Variants in BRIP1 observed in about 807,000 individuals in gnomAD.
BRIP1 encodes the protein BRCA1 interacting DNA helicase 1.
In BRIP1, 88 loss-of-function variants were observed where a neutral mutation model predicts 119.7. The ratio of observed to expected loss-of-function variants is 0.74; its 90% CI spans 0.62 to 0.88. BRIP1 has a LOEUF of 0.88. BRIP1 is among the 40% of genes least tolerant of loss of function. The probability of loss-of-function intolerance (pLI) is 0.00; values close to 1 mark genes in which losing one functional copy is unlikely to be tolerated. For synonymous variants in BRIP1, 443 were observed against 496.5 expected (o/e 0.89, Z 1.43); for missense variants, 1,259 against 1,455.4 (o/e 0.87, Z 2.20).
chr17:61,805,678 C>T lies in BRIP1; in HGVS notation c.918+2789G>A, dbSNP rs1000798151. Among the ~76,000 whole-genome samples, 1 of 152,132 alleles carries T rather than the reference C, an allele frequency of 6.6e-6. No individual in the cohort carries two copies. Among genetic ancestry groups the T allele is most frequent in the African/African-American group, 2.4e-5 (1 of 41,422 alleles). On this transcript the variant is annotated intron_variant, in intron 7 of 19. Transcript: ENST00000259008. The surrounding 1 kb of genome is among the most constrained non-coding windows in gnomAD (Gnocchi z 5.6). ...CACTGACTATATCATCTCTAAAATT[C>T]CTTCCAGCTCTAAAATTCTGTGATT...
rs1165935490 is a variant in BRIP1 at position 61,735,624 on chromosome 17, A to C, written c.2379+7389T>G. Among the ~76,000 whole-genome samples, 51 of 149,704 alleles carry C rather than the reference A, an allele frequency of 3.4e-4. No homozygotes were observed. The highest frequency in any genetic ancestry group is 7.0e-4 in the Non-Finnish European group (47 of 67,602). On this transcript the variant is annotated intron_variant, in intron 16 of 19. Transcript: ENST00000259008. This position sits in a 1 kb window ranked among gnomAD's most constrained non-coding sequence, Gnocchi z 4.4. ...GGCAACATAGCAAGATCCTGCCTCT[A>C]CAAAAAAAAAAAAACCACGTTTAAA...
At position 61,695,266 on chromosome 17, in the gene BRIP1, C is replaced by T. The variant is rs2061503969; in HGVS notation, c.2493-1754G>A. Among the ~76,000 whole-genome samples the T allele has an allele frequency of 6.6e-6, 1 of 152,048 alleles. No homozygotes were observed. ...AAAGACTATTCTTTCTTTGAGTTGT[C>T]TTGGCACTCTTGTCAAAAACCAGTT... On this transcript the variant is annotated intron_variant, in intron 17 of 19. Transcript: ENST00000259008. The surrounding 1 kb of genome is among the most constrained non-coding windows in gnomAD (Gnocchi z 4.3).
In BRIP1 at chr17:61,739,222, G is replaced by T. The variant is rs2076957063; in HGVS notation, c.2379+3791C>A. On this transcript the variant is annotated intron_variant, in intron 16 of 19. Coordinates refer to ENST00000259008, the MANE Select transcript of BRIP1 (RefSeq NM_032043.3). The surrounding 1 kb of genome is among the most constrained non-coding windows in gnomAD (Gnocchi z 6.0). ...AAAGGAGACAATACCAGTACCAACA[G>T]CAGTGCCATCAGTAGCACTCTACTT... The T allele has an allele frequency of 1.0e-5, 2 of 192,346 alleles. No homozygotes were observed. The highest frequency in any genetic ancestry group is 4.7e-5 in the African/African-American group (2 of 42,960). 11.9% of individuals were successfully genotyped at this position (192,346 alleles called of 1,614,324 possible). A position where few individuals can be genotyped will look rare whatever the true frequency, so the allele number is the denominator to read the frequency against.
At chr17:61,721,691 C>T (rs970487327) in intron 16 of BRIP1, among the ~76,000 whole-genome samples, 3 of 131,828 alleles carry the variant, frequency 2.3e-5, no homozygotes, top group Non-Finnish European at 4.8e-5. Context: ...ATAGACTTTG[C>T]CTTTTTTTTT....
intron 10 of BRIP1, among the ~76,000 whole-genome samples, chr17:61,790,241 A>G (rs1603339342): frequency 1.3e-5 from 2 of 152,262 alleles, no homozygotes; most frequent in East Asian, 3.9e-4. Context: ...TTCACCTAAC[A>G]TAATATTTAA....
chr17:61,801,222 A>C (rs1234014719), intron 8 of BRIP1, 31 bp downstream of exon 8: 1 of 1,570,354 alleles, frequency 6.4e-7, no homozygotes, highest in African/African-American at 1.4e-5. Context: ...ATGAGTAGGA[A>C]GAAGGTTCTC....
chr17:61,715,852 A>C (rs1339235015), intron 17 of BRIP1, 99 bp downstream of exon 17: 12 of 753,822 alleles, frequency 1.6e-5, no homozygotes. Context: ...AGTTAAATAA[A>C]ATTTTACCAA....
chr17:61,830,672 TAA>T (rs1332098957), intron 6 of BRIP1, among the ~76,000 whole-genome samples: 3 of 152,118 alleles, frequency 2.0e-5, no homozygotes, highest in Admixed American at 1.3e-4. Context: ...AATTTAAAAG[TAA>T]AAGTCTTCCC....
rs1480946367 is a variant in BRIP1, at chr17:61,780,670, G to A, written c.1794+170C>T. Reference sequence around the variant, plus strand: ...TTGAGCCTGGAAGGTCAAGGCTACAGTGAGCTGAGATTGCACCACTGCACT... The same window carrying A: ...TTGAGCCTGGAAGGTCAAGGCTACAATGAGCTGAGATTGCACCACTGCACT... On this transcript the variant is annotated intron_variant, in intron 12 of 19. Transcript: ENST00000259008. The surrounding 1 kb of genome is among the most constrained non-coding windows in gnomAD (Gnocchi z 5.4). 6.6e-6 allele frequency among the ~76,000 whole-genome samples: 1 copy of A among 152,196 alleles called. No homozygotes were observed. The highest frequency in any genetic ancestry group is 2.4e-5 in the African/African-American group (1 of 41,460).
intron 16 of BRIP1, among the ~76,000 whole-genome samples, chr17:61,737,962 T>C (rs1375294735): frequency 6.6e-6 from 1 of 152,206 alleles, no homozygotes; most frequent in Non-Finnish European, 1.5e-5. Context: ...GGTTAGCAGA[T>C]GTGATGTAAA....
chr17:61,801,492 T>G lies in BRIP1; in HGVS notation c.919-18A>C, dbSNP rs773910941. ...GATTTTCCCTAGAAACAAATATGCATAACTGAAATGTGAACCAATATTAGC... is the reference window on the plus strand; with the variant it reads ...GATTTTCCCTAGAAACAAATATGCAGAACTGAAATGTGAACCAATATTAGC... On this transcript the variant is annotated intron_variant, in intron 7 of 19. Coordinates refer to ENST00000259008, the MANE Select transcript of BRIP1 (RefSeq NM_032043.3). 3.9e-6 allele frequency: 6 copies of G among 1,547,602 alleles called. No individual in the cohort carries two copies. In the South Asian group the frequency reaches 6.7e-5, roughly 17 times the overall value.
rs2077897173 is a variant in BRIP1, at chr17:61,796,215, T to G, written c.1341-2486A>C. Among the ~76,000 whole-genome samples the G allele has an allele frequency of 6.6e-6, 1 of 152,126 alleles. No individual in the cohort carries two copies. Among genetic ancestry groups the G allele is most frequent in the Non-Finnish European group, 1.5e-5 (1 of 67,996 alleles). On this transcript the variant is annotated intron_variant, in intron 9 of 19. Coordinates refer to ENST00000259008, the MANE Select transcript of BRIP1 (RefSeq NM_032043.3). This position sits in a 1 kb window ranked among gnomAD's most constrained non-coding sequence, Gnocchi z 4.8. ...CCCATTCTGTGGGTTGCCTCTTCAC[T>G]TTGTTGATTGTTTCCTTTGCTGTGC...
rs2077126255 is a variant in BRIP1 at position 61,751,141 on chromosome 17, T to C, written c.2098-6550A>G. On this transcript the variant is annotated intron_variant, in intron 14 of 19. Coordinates refer to ENST00000259008, the MANE Select transcript of BRIP1 (RefSeq NM_032043.3). The surrounding 1 kb of genome is among the most constrained non-coding windows in gnomAD (Gnocchi z 6.7). ...GTATGACCTACGTGCAATGGAAAAT[T>C]ATTCAACTATAAAGGAATGAAATTC... Among the ~76,000 whole-genome samples, 1 of 152,242 alleles carries C rather than the reference T, an allele frequency of 6.6e-6. No individual in the cohort carries two copies. The highest frequency in any genetic ancestry group is 2.1e-4 in the South Asian group (1 of 4,836).
chr17:61,772,842 A>C (rs918251277), intron 14 of BRIP1, among the ~76,000 whole-genome samples: 3 of 151,266 alleles, frequency 2.0e-5, no homozygotes, highest in Non-Finnish European at 4.4e-5. Flanking sequence ...AAAAAAAAAA[A>C]ACCTAAATTT....
intron 11 of BRIP1, 83 bp from the exon 12 acceptor site, chr17:61,781,088 A>G (rs2077613906): frequency 7.7e-7 from 1 of 1,299,162 alleles, no homozygotes; most frequent in Non-Finnish European, 1.1e-6. Flanking sequence ...AACTGATTAC[A>G]TTAAAACTCA....
rs1428955151 is a variant in BRIP1 at position 61,760,237 on chromosome 17, A to AT, written c.2098-15647_2098-15646insA. On this transcript the variant is annotated intron_variant, in intron 14 of 19. Coordinates refer to ENST00000259008, the MANE Select transcript of BRIP1 (RefSeq NM_032043.3). The surrounding 1 kb of genome is among the most constrained non-coding windows in gnomAD (Gnocchi z 4.6). ...GAAATTAAAAGGGAAATTTAAAAAA[A>AT]ATATATTGAGACAAACAAAAATGGA... Among the ~76,000 whole-genome samples, 1 of 151,992 alleles carries AT rather than the reference A, an allele frequency of 6.6e-6. No individual in the cohort carries two copies. Among genetic ancestry groups the AT allele is most frequent in the Non-Finnish European group, 1.5e-5 (1 of 67,918 alleles).
rs1193330614 is a variant in BRIP1 at position 61,844,089 on chromosome 17, A to AT, written c.627+3011dup. On this transcript the variant is annotated intron_variant, in intron 6 of 19. Coordinates refer to ENST00000259008, the MANE Select transcript of BRIP1 (RefSeq NM_032043.3). The surrounding 1 kb of genome is among the most constrained non-coding windows in gnomAD (Gnocchi z 4.7). ...CAAGTACACACCACCACACACAGCT[A>AT]TTTTTTTTCTTCTATTCTTTATAAA... is the stretch of plus-strand genomic sequence containing the variant. 1.3e-5 allele frequency among the ~76,000 whole-genome samples: 2 copies of AT among 151,154 alleles called. No individual in the cohort carries two copies. Among genetic ancestry groups the AT allele is most frequent in the Non-Finnish European group, 3.0e-5 (2 of 67,760 alleles).
rs538690792 is a variant in BRIP1, at chr17:61,690,704, G to A, written c.2575+2726C>T. 6.6e-6 allele frequency among the ~76,000 whole-genome samples: 1 copy of A among 152,006 alleles called. No individual in the cohort carries two copies. Among genetic ancestry groups the A allele is most frequent in the Non-Finnish European group, 1.5e-5 (1 of 67,998 alleles). Reference sequence around the variant, plus strand: ...GAATCCTAGCCAGACTATTAGGCAAGAAAATGAAATAAAAGGAATCCAAAT... The same window carrying A: ...GAATCCTAGCCAGACTATTAGGCAAAAAAATGAAATAAAAGGAATCCAAAT... On this transcript the variant is annotated intron_variant, in intron 18 of 19. Transcript: ENST00000259008. The surrounding 1 kb of genome is among the most constrained non-coding windows in gnomAD (Gnocchi z 5.6).
chr17:61,765,387 A>T (rs2077343097), intron 14 of BRIP1, among the ~76,000 whole-genome samples: 1 of 19,300 alleles, frequency 5.2e-5, no homozygotes, highest in African/African-American at 2.0e-4. Context: ...TATTATATAT[A>T]TATATATATA....
Sources: gnomAD v4.1 joint callset for allele counts (sites outside exome capture counted in the v4.1 genomes callset) on GRCh38, gnomAD v4.1.1 for gene constraint, Gnocchi (gnomAD v3.1) non-coding constraint, MANE v1.5 for transcripts, NCBI Gene and HGNC (gene_info 2026-07-23, HGNC 2026-07-21) for gene names.